USO1: variants seen among roughly 807,000 people sequenced by gnomAD.
The protein encoded by USO1 is general vesicular transport factor p115.
USO1 carries 57 observed loss-of-function variants against 124.5 expected under a neutral mutation model. The observed-to-expected ratio is 0.46, with a 90% CI of 0.37 to 0.57. USO1 has a LOEUF of 0.57. USO1 is among the 20% of genes least tolerant of loss of function. The probability of loss-of-function intolerance (pLI) is 0.00; values close to 1 mark genes in which losing one functional copy is unlikely to be tolerated. For synonymous variants in USO1, 369 were observed against 362.8 expected (o/e 1.02, Z -0.19); for missense variants, 900 against 1,040.6 (o/e 0.86, Z 1.86).
In USO1 at chr4:75,790,534, T is replaced by C. The variant is rs947109403; in HGVS notation, c.1086-109T>C. On this transcript the variant is annotated intron_variant, in intron 11 of 23. Transcript: ENST00000514213. ...TGAAATAGAGATGGAAATACTTAAC[T>C]TGCTGGTGTTCTGGTTATGATTCTT... 16 of 1,442,476 alleles carry C rather than the reference T, an allele frequency of 1.1e-5. No individual in the cohort carries two copies. The South Asian group carries it at 2.1e-4, about 19-fold the overall frequency. 89.4% of individuals were successfully genotyped at this position (1,442,476 alleles called of 1,614,324 possible).
At chr4:75,788,599 A>G (rs949592529) in intron 10 of USO1, among the ~76,000 whole-genome samples, 4 of 141,424 alleles carry the variant, frequency 2.8e-5, no homozygotes, top group African/African-American at 1.1e-4. Flanking sequence ...CTGGAGTGCA[A>G]TGGCATGATC....
chr4:75,800,218 T>C (rs1158941766), intron 14 of USO1, 133 bp from the exon 15 acceptor site: 61 of 1,110,102 alleles, frequency 5.5e-5, no homozygotes, highest in Non-Finnish European at 7.2e-5. Flanking sequence ...ATTACAGGCA[T>C]GAGCCACCAC....
chr4:75,737,450 G>A (rs1203430526), intron 1 of USO1, among the ~76,000 whole-genome samples: 2 of 152,108 alleles, frequency 1.3e-5, no homozygotes, highest in South Asian at 2.1e-4. Context: ...AAAAGATGGG[G>A]GGTCTTAAAA....
intron 9 of USO1, among the ~76,000 whole-genome samples, chr4:75,786,535 ATAGGGAT>A (rs953658236): frequency 2.6e-5 from 4 of 152,192 alleles, no homozygotes; most frequent in African/African-American, 9.6e-5. Context: ...TCATAGAATC[ATAGGGAT>A]TTAATTGGCA....
intron 3 of USO1, 66 bp from the exon 4 acceptor site, chr4:75,757,430 TA>T: frequency 2.2e-6 from 3 of 1,340,694 alleles, no homozygotes; most frequent in South Asian, 1.7e-5. Context: ...GCTAAATAAC[TA>T]AAAATGGTCA....
At chr4:75,792,224 A>G (rs1722551835) in intron 12 of USO1, among the ~76,000 whole-genome samples, 1 of 151,948 alleles carries the variant, frequency 6.6e-6, no homozygotes, top group South Asian at 2.1e-4. Flanking sequence ...ACATAGTGAA[A>G]CCCCATCTCT....
intron 10 of USO1, among the ~76,000 whole-genome samples, chr4:75,788,547 CT>C (rs202201141): frequency 6.4e-4 from 89 of 139,620 alleles, no homozygotes; most frequent in African/African-American, 7.4e-4. Context: ...CTTTTCTTTT[CT>C]TTTTTTTTTT....
intron 1 of USO1, among the ~76,000 whole-genome samples, chr4:75,749,240 A>G (rs1404271898): frequency 3.3e-5 from 5 of 152,296 alleles, no homozygotes; most frequent in Non-Finnish European, 7.4e-5. Flanking sequence ...TAGGGAATCT[A>G]TTAATATCTT....
intron 4 of USO1, chr4:75,767,480 C>T (rs1266270676): frequency 2.3e-6 from 1 of 444,196 alleles, no homozygotes; most frequent in Non-Finnish European, 4.5e-6. Flanking sequence ...CATGGTGGCT[C>T]ACGCCTGTAA....
At chr4:75,804,677 G>A (rs1026761002) in intron 18 of USO1, among the ~76,000 whole-genome samples, 1 of 152,124 alleles carries the variant, frequency 6.6e-6, no homozygotes, top group South Asian at 2.1e-4. Context: ...AAGAATGACC[G>A]CTGTAATCTT....
chr4:75,725,000 T>G, intron 1 of USO1, 115 bp downstream of exon 1: 3 of 1,087,664 alleles, frequency 2.8e-6, no homozygotes, highest in South Asian at 2.9e-5. Context: ...GGCATCCACA[T>G]GCCGCCTCCC....
In USO1 at chr4:75,787,047, CTCTT is replaced by C. The variant is rs754237684; in HGVS notation, c.856-8_856-5del. 4.4e-5 allele frequency: 69 copies of C among 1,561,574 alleles called. 1 individual carries two copies. The South Asian group carries it at 4.5e-4, about 10-fold the overall frequency. ...ATCTTTAAAAGACAAATTTTGTTTT[CTCTT>C]TCTTTCACAGCTTGTTCGTGTATTG... On this transcript the variant is annotated splice_polypyrimidine_tract_variant and intron_variant, in intron 9 of 23. Transcript: ENST00000514213.
intron 4 of USO1, chr4:75,760,506 CT>C (rs1182655054): frequency 5.1e-6 from 2 of 388,660 alleles, no homozygotes; most frequent in African/African-American, 4.1e-5. Flanking sequence ...CATTTTTAAG[CT>C]CCTATTTTAC....
At chr4:75,758,854 C>T (rs907650323) in intron 4 of USO1, among the ~76,000 whole-genome samples, 1 of 152,000 alleles carries the variant, frequency 6.6e-6, no homozygotes, top group African/African-American at 2.4e-5. Context: ...AGTCACGTGA[C>T]AATACATAGA....
chr4:75,783,920 A>G (rs772937920), intron 9 of USO1, among the ~76,000 whole-genome samples: 10 of 152,226 alleles, frequency 6.6e-5, no homozygotes, highest in Non-Finnish European at 1.0e-4. Context: ...TCTGTTTTCA[A>G]ATGTTGGTAT....
At position 75,742,677 on chromosome 4, in the gene USO1, A is replaced by G. The variant is rs141478640; in HGVS notation, c.67-9696A>G. On this transcript the variant is annotated intron_variant, in intron 1 of 23. Transcript: ENST00000514213. ...AAAGGCCTAGGGGCAAACATTTCTGACTTTCTCATGAAAATAGAGTGGATC... is the reference window on the plus strand; with the variant it reads ...AAAGGCCTAGGGGCAAACATTTCTGGCTTTCTCATGAAAATAGAGTGGATC... 4.5e-4 allele frequency among the ~76,000 whole-genome samples: 69 copies of G among 152,352 alleles called. No homozygotes were observed. In the East Asian group the frequency reaches 0.013, roughly 28 times the overall value.
chr4:75,806,353 A>G, intron 19 of USO1, 133 bp from the exon 20 acceptor site: 2 of 1,117,734 alleles, frequency 1.8e-6, no homozygotes, highest in African/African-American at 3.2e-5. Context: ...TATCTTGGGC[A>G]TAAAAATTAA....
intron 20 of USO1, among the ~76,000 whole-genome samples, chr4:75,807,543 G>A (rs889767206): frequency 6.6e-6 from 1 of 151,994 alleles, no homozygotes; most frequent in Non-Finnish European, 1.5e-5. Context: ...TAATGTCCAT[G>A]TACCTCAGAG....
chr4:75,790,519 A>T (rs1460084764), intron 11 of USO1, 124 bp from the exon 12 acceptor site: 9 of 1,395,588 alleles, frequency 6.4e-6, no homozygotes, highest in Admixed American at 2.9e-5. Flanking sequence ...TGAAATAGAG[A>T]TGGAAATACT....
Sources: gnomAD v4.1 joint callset for allele counts (sites outside exome capture counted in the v4.1 genomes callset) on GRCh38, gnomAD v4.1.1 for gene constraint, MANE v1.5 for transcripts, NCBI Gene and HGNC (gene_info 2026-07-23, HGNC 2026-07-21) for gene names.